The following TPST1 variants were observed in gnomAD, a reference collection of about 807,000 sequenced individuals.
The protein encoded by TPST1 is tyrosylprotein sulfotransferase 1, also known as protein-tyrosine sulfotransferase 1.
A neutral mutation model predicts 34.8 loss-of-function variants in TPST1; 20 were observed. That is an observed-to-expected ratio of 0.57 (90% CI 0.40 to 0.84). The LOEUF is 0.84. TPST1 is among the 40% of genes least tolerant of loss of function. The probability of loss-of-function intolerance (pLI) is 0.00; values close to 1 mark genes in which losing one functional copy is unlikely to be tolerated. For missense variants in TPST1, 353 were observed against 455.5 expected (o/e 0.78, Z 2.05); for synonymous variants, 152 against 159.4 (o/e 0.95, Z 0.35).
Position 66,241,259 on chromosome 7 carries a change from GTC to G in TPST1, c.838_839del (p.Leu280ValfsTer47), listed in dbSNP as rs1180183012. The G allele has an allele frequency of 6.2e-7, 1 of 1,607,898 alleles. No homozygotes were observed. Among genetic ancestry groups the G allele is most frequent in the Non-Finnish European group, 8.5e-7 (1 of 1,176,762 alleles). On this transcript the variant is annotated frameshift_variant, in exon 2 of 6. Coordinates refer to ENST00000304842, the MANE Select transcript of TPST1 (RefSeq NM_003596.4). LOFTEE classifies it high-confidence loss of function. ...AGATGATTGGGAAAGCTGGGGGAGT[GTC>G]TCTGTCAAAGTGAGTAGAAGATACG... ...EEMIGKAGGV[S>X]LSKVERSTDQ...
In TPST1 at chr7:66,240,602, C is replaced by T. The variant is rs765836948; in HGVS notation, c.177C>T (p.Ala59=). The change falls in exon 2 of 6, where the codon GCC becomes GCT. Residue 59 remains alanine (A), a synonymous_variant. Transcript: ENST00000304842. ...TGAGAACTGGCCTGGACCTCAAAGC[C>T]AACAAAACCTTTGCCTATCACAAAG... ...TTVRTGLDLK[A]NKTFAYHKDM... 6.2e-7 allele frequency: 1 copy of T among 1,614,152 alleles called. No homozygotes were observed. The highest frequency in any genetic ancestry group is 2.2e-5 in the East Asian group (1 of 44,888).
chr7:66,276,432 G>C (rs1163860571), intron 2 of TPST1, among the ~76,000 whole-genome samples: 1 of 142,286 alleles, frequency 7.0e-6, no homozygotes, highest in Non-Finnish European at 1.5e-5. Flanking sequence ...GGAGTGCAGT[G>C]GTGTGATCTC....
chr7:66,201,731 T>C (rs1329379063), upstream of TPST1, among the ~76,000 whole-genome samples: 1 of 151,566 alleles, frequency 6.6e-6, no homozygotes, highest in African/African-American at 2.4e-5. Flanking sequence ...CGTGCACCCG[T>C]AGTCTTAGCT....
intron 3 of TPST1, among the ~76,000 whole-genome samples, chr7:66,308,816 T>G (rs1197736946): frequency 6.6e-6 from 1 of 152,190 alleles, no homozygotes; most frequent in Non-Finnish European, 1.5e-5. Context: ...CTCTAGACAT[T>G]CCTGGGATGT....
At chr7:66,230,243 G>T (rs1789748895) in intron 1 of TPST1, among the ~76,000 whole-genome samples, 1 of 152,104 alleles carries the variant, frequency 6.6e-6, no homozygotes, top group Admixed American at 6.6e-5. Context: ...CCAGCTCCAG[G>T]CAACTATTTT....
chr7:66,211,141 A>T (rs535147930), intron 1 of TPST1, among the ~76,000 whole-genome samples: 16 of 148,094 alleles, frequency 1.1e-4, no homozygotes, highest in East Asian at 5.9e-4. Flanking sequence ...TTTTATTTTT[A>T]TTTTTTTTTT....
At chr7:66,280,129 G>T (rs1205424613) in intron 2 of TPST1, among the ~76,000 whole-genome samples, 2 of 152,322 alleles carry the variant, frequency 1.3e-5, no homozygotes, top group Middle Eastern at 3.4e-3. Context: ...TGGCACCAAA[G>T]GACAGCTTGG....
chr7:66,225,640 C>T (rs997380516), intron 1 of TPST1, among the ~76,000 whole-genome samples: 7 of 152,200 alleles, frequency 4.6e-5, no homozygotes, highest in East Asian at 3.9e-4. Flanking sequence ...AATAAAGTAA[C>T]GGATAGAGGC....
intron 3 of TPST1, among the ~76,000 whole-genome samples, chr7:66,335,315 A>G (rs1792074609): frequency 6.6e-6 from 1 of 151,970 alleles, no homozygotes; most frequent in Non-Finnish European, 1.5e-5. Context: ...AGTTAGCTGC[A>G]TGTGGTGGTA....
upstream of TPST1, among the ~76,000 whole-genome samples, chr7:66,202,948 C>T (rs535145237): frequency 2.6e-5 from 4 of 152,194 alleles, no homozygotes; most frequent in South Asian, 2.1e-4. Context: ...TGGTGGCAGG[C>T]GCCTGTAATC....
intron 3 of TPST1, among the ~76,000 whole-genome samples, chr7:66,340,445 C>T (rs1024533050): frequency 6.6e-6 from 1 of 152,050 alleles, no homozygotes; most frequent in Non-Finnish European, 1.5e-5. Flanking sequence ...AGGAAGAAAC[C>T]ACATTATCTT....
intron 2 of TPST1, among the ~76,000 whole-genome samples, chr7:66,253,464 G>A (rs1179898997): frequency 8.6e-5 from 13 of 150,574 alleles, no homozygotes; most frequent in Admixed American, 8.6e-4. Flanking sequence ...TCCGCCTCCT[G>A]GGTTCAAGCG....
chr7:66,339,582 A>T (rs1174465901), intron 3 of TPST1, among the ~76,000 whole-genome samples: 1 of 152,190 alleles, frequency 6.6e-6, no homozygotes, highest in Non-Finnish European at 1.5e-5. Context: ...TCCCTGATGA[A>T]CACAGATGCA....
At chr7:66,262,695 A>G (rs1313405389) in intron 2 of TPST1, among the ~76,000 whole-genome samples, 1 of 152,092 alleles carries the variant, frequency 6.6e-6, no homozygotes, top group East Asian at 1.9e-4. Context: ...GGCCGGGTAG[A>G]CTTTCCATTT....
intron 2 of TPST1, among the ~76,000 whole-genome samples, chr7:66,278,732 G>A (rs1297400077): frequency 6.6e-6 from 1 of 151,552 alleles, no homozygotes; most frequent in Non-Finnish European, 1.5e-5. Flanking sequence ...GCAGGGAGCC[G>A]AGATCGCACC....
At chr7:66,220,495 T>C (rs1789519359) in intron 1 of TPST1, among the ~76,000 whole-genome samples, 1 of 152,060 alleles carries the variant, frequency 6.6e-6, no homozygotes, top group African/African-American at 2.4e-5. Context: ...ACCTGTGTCG[T>C]ATGTGGCAGA....
chr7:66,334,943 G>A (rs762691985), intron 3 of TPST1, among the ~76,000 whole-genome samples: 2 of 152,154 alleles, frequency 1.3e-5, no homozygotes, highest in Non-Finnish European at 2.9e-5. Flanking sequence ...GAACTATCTG[G>A]GGTAAAGTGG....
At chr7:66,216,775 C>T (rs1427067144) in intron 1 of TPST1, among the ~76,000 whole-genome samples, 1 of 152,190 alleles carries the variant, frequency 6.6e-6, no homozygotes, top group Non-Finnish European at 1.5e-5. Context: ...GCCCTGTTTG[C>T]TCTTTTTCTA....
chr7:66,215,816 A>G (rs1326327512), intron 1 of TPST1, among the ~76,000 whole-genome samples: 2 of 126,480 alleles, frequency 1.6e-5, no homozygotes, highest in African/African-American at 6.3e-5. Context: ...TTTGTCGCCC[A>G]GGCTGGAGTG....
Sources: allele counts gnomAD v4.1 joint callset (sites outside exome capture counted in the v4.1 genomes callset), GRCh38; gene constraint gnomAD v4.1.1; transcripts MANE v1.5; gene names NCBI Gene and HGNC (gene_info 2026-07-23, HGNC 2026-07-21).